Variants in RCAN1 observed in about 807,000 individuals in gnomAD.
The protein encoded by RCAN1 is calcipressin-1.
A neutral mutation model predicts 22.9 loss-of-function variants in RCAN1; 11 were observed. The observed-to-expected ratio is 0.48, with a 90% CI of 0.30 to 0.79. RCAN1 has a LOEUF of 0.79. RCAN1 is among the 30% of genes least tolerant of loss of function. The pLI, the probability that RCAN1 is intolerant of heterozygous loss-of-function variation, is 0.06. For missense variants in RCAN1, 291 were observed against 337.8 expected (o/e 0.86, Z 1.09); for synonymous variants, 136 against 142.3 (o/e 0.96, Z 0.32).
chr21:34,593,630 T>G (rs1988045551), intron 1 of RCAN1, among the ~76,000 whole-genome samples: 1 of 152,198 alleles, frequency 6.6e-6, no homozygotes, highest in Admixed American at 6.5e-5. Flanking sequence ...TGCCTGCTGA[T>G]AGCAGACGTG....
At chr21:34,581,775 C>CTA (rs1987618249) in intron 1 of RCAN1, among the ~76,000 whole-genome samples, 1 of 152,154 alleles carries the variant, frequency 6.6e-6, no homozygotes, top group Admixed American at 6.5e-5. Flanking sequence ...AAAAGGCAGC[C>CTA]CAGGAAGTGG....
chr21:34,581,285 CAA>C (rs1353981830), intron 1 of RCAN1, among the ~76,000 whole-genome samples: 2 of 152,134 alleles, frequency 1.3e-5, no homozygotes, highest in African/African-American at 4.8e-5. Flanking sequence ...CCAGCCAAAT[CAA>C]GACGCTGTTT....
At chr21:34,548,299 A>ACAGTGGAC (rs57591572) in intron 1 of RCAN1, among the ~76,000 whole-genome samples, 36,591 of 151,954 alleles carry the variant, frequency 0.24, 5,117 homozygotes, top group African/African-American at 0.39. Flanking sequence ...GATTTTCATT[A>ACAGTGGAC]CTTTTGCTTT....
At chr21:34,605,629 T>C (rs568256333) in intron 1 of RCAN1, among the ~76,000 whole-genome samples, 1 of 152,184 alleles carries the variant, frequency 6.6e-6, no homozygotes, top group South Asian at 2.1e-4. Context: ...TGCTTTAAGA[T>C]GATAAGCAGC....
chr21:34,566,038 G>A (rs1306992030), intron 1 of RCAN1, among the ~76,000 whole-genome samples: 1 of 152,208 alleles, frequency 6.6e-6, no homozygotes, highest in African/African-American at 2.4e-5. Context: ...CTACACAACA[G>A]TACAGCAGAA....
At chr21:34,602,072 C>G (rs542836337) in intron 1 of RCAN1, among the ~76,000 whole-genome samples, 1 of 152,216 alleles carries the variant, frequency 6.6e-6, no homozygotes, top group Admixed American at 6.5e-5. Context: ...AAAACAAGAT[C>G]CTTCATAAAG....
intron 1 of RCAN1, among the ~76,000 whole-genome samples, chr21:34,545,981 A>C (rs988125310): frequency 6.6e-6 from 1 of 152,242 alleles, no homozygotes; most frequent in African/African-American, 2.4e-5. Flanking sequence ...AACAGGTCCT[A>C]AGAAGATCCT....
chr21:34,523,997 G>T, intron 1 of RCAN1: 1 of 237,682 alleles, frequency 4.2e-6, no homozygotes, highest in South Asian at 5.3e-5. Flanking sequence ...TGGCAAGGCT[G>T]GTCTCAAGCT....
At chr21:34,583,252 C>T (rs1334994491) in intron 1 of RCAN1, among the ~76,000 whole-genome samples, 2 of 147,912 alleles carry the variant, frequency 1.4e-5, no homozygotes, top group African/African-American at 5.0e-5. Flanking sequence ...AATCTCAGCT[C>T]ACTGCAACCT....
At position 34,517,807 on chromosome 21, in the gene RCAN1, CATT is replaced by C; in HGVS notation, c.*274_*276del. On this transcript the variant is annotated 3_prime_UTR_variant, in exon 4 of 4. Coordinates refer to ENST00000313806, the MANE Select transcript of RCAN1 (RefSeq NM_004414.7). The stretch of plus-strand genomic sequence containing the variant: ...GAAAAGAACAAGTACAAAACACTAT[CATT>C]ATCTGTTTTCTCAAGACAGTCCCAA... The C allele has an allele frequency of 2.2e-6, 1 of 457,966 alleles. No homozygotes were observed. The allele number at this position is 457,966 out of a possible 1,614,324, so 28.4% of individuals were successfully genotyped here. A position where few individuals can be genotyped will look rare whatever the true frequency, so the allele number is the denominator to read the frequency against.
chr21:34,598,221 G>A (rs1341482214), intron 1 of RCAN1, among the ~76,000 whole-genome samples: 1 of 152,146 alleles, frequency 6.6e-6, no homozygotes, highest in African/African-American at 2.4e-5. Context: ...TACTTCTAGA[G>A]TTCCCAAAGA....
At chr21:34,537,208 G>A (rs1324513555) in intron 1 of RCAN1, among the ~76,000 whole-genome samples, 1 of 152,238 alleles carries the variant, frequency 6.6e-6, no homozygotes, top group Non-Finnish European at 1.5e-5. Context: ...CACCCAAAGA[G>A]AGAACAACTG....
intron 1 of RCAN1, among the ~76,000 whole-genome samples, chr21:34,570,321 G>A (rs1987189924): frequency 6.6e-6 from 1 of 152,210 alleles, no homozygotes; most frequent in Non-Finnish European, 1.5e-5. Flanking sequence ...GAAAGAAGGA[G>A]CTTTTTAAGC....
chr21:34,542,421 G>A (rs12626176), intron 1 of RCAN1, among the ~76,000 whole-genome samples: 36,202 of 64,524 alleles, frequency 0.56, 4,991 homozygotes, highest in African/African-American at 0.61. Flanking sequence ...AGCCCAAGCA[G>A]CCCATGAAGA....
rs1316948678 is a variant in RCAN1 at position 34,615,051 on chromosome 21, T to G, written c.-40A>C. Reference sequence around the variant, plus strand: ...GACCCTGTGCGCCCCAGCGGGCTGCTCCGGGCTTGCGCGCCGGAGCCTCAC... The same window carrying G: ...GACCCTGTGCGCCCCAGCGGGCTGCGCCGGGCTTGCGCGCCGGAGCCTCAC... On this transcript the variant is annotated 5_prime_UTR_variant, in exon 1 of 4. Coordinates refer to ENST00000313806, the MANE Select transcript of RCAN1 (RefSeq NM_004414.7). 9.8e-7 allele frequency: 1 copy of G among 1,021,420 alleles called. No homozygotes were observed. The highest frequency in any genetic ancestry group is 1.2e-6 in the Non-Finnish European group (1 of 854,948). The allele number at this position is 1,021,420 out of a possible 1,614,324, so 63.3% of individuals were successfully genotyped here.
intron 1 of RCAN1, among the ~76,000 whole-genome samples, chr21:34,562,383 A>G: frequency 6.6e-6 from 1 of 152,218 alleles, no homozygotes; most frequent in East Asian, 1.9e-4. Context: ...CATTCCCAGG[A>G]AAGCGTATTT....
At chr21:34,589,226 T>G (rs369381490) in intron 1 of RCAN1, among the ~76,000 whole-genome samples, 1 of 152,202 alleles carries the variant, frequency 6.6e-6, no homozygotes, top group Admixed American at 6.5e-5. Context: ...AAAGATTGTA[T>G]TCATACTTTG....
intron 1 of RCAN1, among the ~76,000 whole-genome samples, chr21:34,597,435 C>T (rs1988198995): frequency 6.6e-6 from 1 of 152,168 alleles, no homozygotes; most frequent in African/African-American, 2.4e-5. Context: ...AGGGCAGCAT[C>T]GAGAGTGTGC....
At chr21:34,526,774 T>C (rs200073407) in intron 1 of RCAN1, 3 of 1,604,398 alleles carry the variant, frequency 1.9e-6, no homozygotes, top group East Asian at 2.2e-5. Flanking sequence ...GTGAAAGCGC[T>C]ACAGACCCAC....
Sources: gnomAD v4.1 joint callset for allele counts (sites outside exome capture counted in the v4.1 genomes callset) on GRCh38, gnomAD v4.1.1 for gene constraint, MANE v1.5 for transcripts, NCBI Gene and HGNC (gene_info 2026-07-23, HGNC 2026-07-21) for gene names.